Variants in KATNIP observed in about 807,000 individuals in gnomAD.
The protein encoded by KATNIP is katanin interacting protein.
In KATNIP, 126 loss-of-function variants were observed where a neutral mutation model predicts 174.0. The observed-to-expected ratio is 0.72, with a 90% CI of 0.63 to 0.84. The LOEUF is 0.84. Ranked by LOEUF, KATNIP falls within the 40% of genes least tolerant of loss-of-function variation. The pLI is 0.00. For synonymous variants in KATNIP, 810 were observed against 835.7 expected (o/e 0.97, Z 0.53); for missense variants, 1,958 against 2,109.7 (o/e 0.93, Z 1.41).
chr16:27,694,495 T>C (rs1467354601), intron 8 of KATNIP, among the ~76,000 whole-genome samples: 1 of 152,110 alleles, frequency 6.6e-6, no homozygotes, highest in East Asian at 1.9e-4. Flanking sequence ...CAGTTGCCTA[T>C]GTAAAATTTA....
intron 2 of KATNIP, among the ~76,000 whole-genome samples, chr16:27,591,208 C>T (rs1210300922): frequency 9.4e-5 from 14 of 149,136 alleles, no homozygotes; most frequent in African/African-American, 3.2e-4. Flanking sequence ...TTTTTTGAGA[C>T]GGAGTCTCGC....
Position 27,770,160 on chromosome 16 carries a change from C to T in KATNIP, c.4133+142C>T, listed in dbSNP as rs1259406751. On this transcript the variant is annotated intron_variant, in intron 21 of 27. Coordinates refer to ENST00000261588, the MANE Select transcript of KATNIP (RefSeq NM_015202.5). Reference sequence around the variant, plus strand: ...TTTTCAACTTAGTCATTTTCTAAAGCTCAGCCAAGCCTCACCGGAAGCCTG... The same window carrying T: ...TTTTCAACTTAGTCATTTTCTAAAGTTCAGCCAAGCCTCACCGGAAGCCTG... The T allele has an allele frequency of 1.5e-5, 15 of 1,018,564 alleles. No homozygotes were observed. In the East Asian group the frequency reaches 3.9e-4, roughly 26 times the overall value. The allele number at this position is 1,018,564 out of a possible 1,614,324, so 63.1% of individuals were successfully genotyped here.
intron 6 of KATNIP, among the ~76,000 whole-genome samples, chr16:27,653,391 A>G (rs2077174495): frequency 6.6e-6 from 1 of 152,102 alleles, no homozygotes; most frequent in East Asian, 1.9e-4. Flanking sequence ...ATAAACGACT[A>G]AAGACCACCA....
chr16:27,592,785 CCT>C (rs1342520403), intron 2 of KATNIP, among the ~76,000 whole-genome samples: 1 of 152,120 alleles, frequency 6.6e-6, no homozygotes, highest in Non-Finnish European at 1.5e-5. Flanking sequence ...GAACTCCTGA[CCT>C]CAGGTGATCC....
chr16:27,733,577 AC>A (rs2143335235), intron 14 of KATNIP, among the ~76,000 whole-genome samples: 1 of 143,800 alleles, frequency 7.0e-6, no homozygotes, highest in East Asian at 2.4e-4. Flanking sequence ...ACACACACAC[AC>A]ACACACACAC....
intron 8 of KATNIP, among the ~76,000 whole-genome samples, chr16:27,695,614 C>T (rs2078886229): frequency 1.3e-5 from 2 of 152,206 alleles, no homozygotes; most frequent in South Asian, 4.1e-4. Flanking sequence ...TATGGTCTCT[C>T]ACCATGTGAG....
intron 13 of KATNIP, among the ~76,000 whole-genome samples, chr16:27,717,810 C>T (rs2080025726): frequency 6.6e-6 from 1 of 152,078 alleles, no homozygotes; most frequent in South Asian, 2.1e-4. Flanking sequence ...AAATAGAAGC[C>T]CCCCAGGAGC....
chr16:27,636,124 A>G (rs1232100519), intron 5 of KATNIP, among the ~76,000 whole-genome samples: 1 of 152,154 alleles, frequency 6.6e-6, no homozygotes, highest in Admixed American at 6.5e-5. Context: ...ACTGCACTCT[A>G]GCCTGGGGGA....
rs780699217 is a variant in KATNIP, at chr16:27,740,290, A to T, written c.1993A>T (p.Thr665Ser). The T allele has an allele frequency of 2.7e-5, 43 of 1,614,158 alleles. No homozygotes were observed. Among genetic ancestry groups the T allele is most frequent in the Non-Finnish European group, 3.6e-5 (43 of 1,180,058 alleles). ...LGLGCSPPAE[T>S]LADAKLSSQG... is the part of the protein sequence containing the mutation. ...TCTCGGTTGCTCACCGCCAGCTGAA[A>T]CATTAGCGGATGCAAAGCTTTCTTC... The change falls in exon 15 of 28, where the codon ACA becomes TCA. Residue 665 changes from threonine (T) to serine (S), a missense_variant. Around this residue, in one of 3 missense-constraint regions of KATNIP, gnomAD observed 1,557 missense variants for 1,617.8 expected, o/e 0.96. Transcript: ENST00000261588.
chr16:27,767,821 C>T (rs891055553), intron 20 of KATNIP, among the ~76,000 whole-genome samples: 14 of 152,214 alleles, frequency 9.2e-5, no homozygotes, highest in African/African-American at 2.7e-4. Context: ...CTGAGCAGGC[C>T]GGTCACAGAC....
intron 8 of KATNIP, among the ~76,000 whole-genome samples, chr16:27,697,754 T>C (rs1218252177): frequency 6.6e-6 from 1 of 152,120 alleles, no homozygotes; most frequent in Non-Finnish European, 1.5e-5. Flanking sequence ...TGAGATGAAG[T>C]TGCAGACATC....
intron 11 of KATNIP, among the ~76,000 whole-genome samples, chr16:27,703,055 T>C (rs1260603987): frequency 6.6e-6 from 1 of 151,890 alleles, no homozygotes; most frequent in Non-Finnish European, 1.5e-5. Context: ...TAATCCCTGC[T>C]ACTCAGGAAG....
At chr16:27,772,329 T>C (rs1185709716) in intron 22 of KATNIP, among the ~76,000 whole-genome samples, 1 of 152,108 alleles carries the variant, frequency 6.6e-6, no homozygotes, top group East Asian at 1.9e-4. Flanking sequence ...GGCTCAGTAA[T>C]TTGCCCAAGG....
chr16:27,578,765 A>T (rs1326801451), intron 2 of KATNIP, among the ~76,000 whole-genome samples: 3 of 151,972 alleles, frequency 2.0e-5, no homozygotes, highest in African/African-American at 7.2e-5. Context: ...TGTAGTAGAG[A>T]TGGGGTTTCA....
intron 3 of KATNIP, among the ~76,000 whole-genome samples, chr16:27,623,029 T>G (rs2076239622): frequency 6.6e-6 from 1 of 152,094 alleles, no homozygotes; most frequent in Non-Finnish European, 1.5e-5. Flanking sequence ...GACCTACAGG[T>G]TCTGGGGAGG....
intron 2 of KATNIP, among the ~76,000 whole-genome samples, chr16:27,598,005 A>G (rs186460797): frequency 2.0e-4 from 31 of 152,248 alleles, no homozygotes; most frequent in Non-Finnish European, 3.7e-4. Flanking sequence ...AGGTGGGCAG[A>G]TCGTCTGAGC....
At position 27,701,661 on chromosome 16, in the gene KATNIP, C is replaced by A. The variant is rs778455587; in HGVS notation, c.1252C>A (p.Gln418Lys). Residue 418 changes from glutamine to lysine, a missense_variant, in exon 11 of 28, where the codon CAG becomes AAG. This residue lies in a region of KATNIP where 1,557 missense variants were observed against 1,617.8 expected (regional missense o/e 0.96). Coordinates refer to ENST00000261588, the MANE Select transcript of KATNIP (RefSeq NM_015202.5). ...GAAGGARAIN[Q>K]AMDRIGLLGS... ...AGCAGGAGGAGCCAGGGCCATCAAC[C>A]AGGCCATGGACAGAATTGGGCTTCT... 6 of 1,607,474 alleles carry A rather than the reference C, an allele frequency of 3.7e-6. No homozygotes were observed. The highest frequency in any genetic ancestry group is 5.1e-6 in the Non-Finnish European group (6 of 1,177,490).
intron 6 of KATNIP, among the ~76,000 whole-genome samples, chr16:27,656,367 G>C (rs1163990430): frequency 1.4e-5 from 2 of 144,442 alleles, no homozygotes; most frequent in African/African-American, 5.2e-5. Context: ...GCAGTGAGCT[G>C]TGATCATGGC....
chr16:27,763,884 T>C (rs557931494), intron 19 of KATNIP, among the ~76,000 whole-genome samples: 1 of 152,314 alleles, frequency 6.6e-6, no homozygotes, highest in East Asian at 1.9e-4. Flanking sequence ...GCTGCATCTC[T>C]ATGGTATTGT....
Sources: allele counts gnomAD v4.1 joint callset (sites outside exome capture counted in the v4.1 genomes callset), GRCh38; gene constraint gnomAD v4.1.1; regional missense constraint gnomAD v4.1.1; transcripts MANE v1.5; gene names NCBI Gene and HGNC (gene_info 2026-07-23, HGNC 2026-07-21).